NDEL1: variants seen among roughly 807,000 people sequenced by gnomAD.
The protein encoded by NDEL1 is nuclear distribution protein nudE-like 1.
In NDEL1, 9 loss-of-function variants were observed where a neutral mutation model predicts 45.7. That is an observed-to-expected ratio of 0.20 (90% CI 0.12 to 0.34). NDEL1 has a LOEUF of 0.34. Ranked by LOEUF, NDEL1 falls within the 10% of genes least tolerant of loss-of-function variation. The pLI is 1.00. For missense variants in NDEL1, 306 were observed against 406.2 expected, an observed-to-expected ratio of 0.75 and a Z score of 2.12; for synonymous variants, 133 against 158.6, an observed-to-expected ratio of 0.84 and a Z score of 1.21.
intron 1 of NDEL1, among the ~76,000 whole-genome samples, chr17:8,430,725 G>A (rs1161178044): frequency 1.3e-5 from 2 of 152,216 alleles, no homozygotes; most frequent in Non-Finnish European, 2.9e-5. Flanking sequence ...AGAGGGTAGG[G>A]CAGCCCTCAC....
At chr17:8,448,359 T>C (rs1279159431) in intron 4 of NDEL1, among the ~76,000 whole-genome samples, 191 bp from the exon 5 acceptor site, 1 of 151,926 alleles carries the variant, frequency 6.6e-6, no homozygotes, top group African/African-American at 2.4e-5. Context: ...AAGAATGTAT[T>C]GTATATATTG....
Position 8,454,780 on chromosome 17 carries a change from T to C in NDEL1, c.701-16T>C. On this transcript the variant is annotated splice_polypyrimidine_tract_variant and intron_variant, in intron 6 of 8. Transcript: ENST00000334527. Reference sequence around the variant, plus strand: ...GGAACTGCAAGTGTAATCACTCAGCTTTTATTTTTCTCTAGCTATACCAAA... The same window carrying C: ...GGAACTGCAAGTGTAATCACTCAGCCTTTATTTTTCTCTAGCTATACCAAA... 3 of 1,600,528 alleles carry C rather than the reference T, an allele frequency of 1.9e-6. No homozygotes were observed. The highest frequency in any genetic ancestry group is 2.2e-5 in the South Asian group (2 of 89,774).
At chr17:8,446,619 T>C in intron 3 of NDEL1, 135 bp from the exon 4 acceptor site, 3 of 799,282 alleles carry the variant, frequency 3.8e-6, no homozygotes, top group Middle Eastern at 3.9e-4. Context: ...TGTCATTTAG[T>C]TGTTTTTAAA....
At position 8,446,827 on chromosome 17, in the gene NDEL1, G is replaced by A. The variant is rs1444704645; in HGVS notation, c.314G>A (p.Arg105Gln). The change falls in exon 4 of 9, where the codon CGG (arginine) becomes CAG (glutamine). Residue 105 changes from arginine (R) to glutamine (Q), a missense_variant. By Grantham distance (43) the Arg-to-Gln change is conservative. Transcript: ENST00000334527. ...TTAGAAGATGATTTAAGTCAGACTC[G>A]GGCCATTAAGGAGCAGTTGCATAAG... is the stretch of plus-strand genomic sequence containing the variant. The part of the protein sequence containing the change: ...SVLEDDLSQT[R>Q]AIKEQLHKYV... 1.2e-6 allele frequency: 2 copies of A among 1,614,142 alleles called. No homozygotes were observed. Among genetic ancestry groups the A allele is most frequent in the East Asian group, 2.2e-5 (1 of 44,878 alleles).
chr17:8,423,267 A>G (rs1298433113), intron 1 of NDEL1, among the ~76,000 whole-genome samples: 2 of 152,188 alleles, frequency 1.3e-5, no homozygotes, highest in African/African-American at 2.4e-5. Context: ...CATCCCAGGT[A>G]ATTCTACCAC....
At chr17:8,420,117 A>G (rs1355463535) in intron 1 of NDEL1, among the ~76,000 whole-genome samples, 2 of 152,196 alleles carry the variant, frequency 1.3e-5, no homozygotes, top group African/African-American at 4.8e-5. Context: ...GTTCTCTTCT[A>G]CGTCTGAGGG....
chr17:8,418,578 T>C (rs1417313288), intron 1 of NDEL1, among the ~76,000 whole-genome samples: 2 of 152,244 alleles, frequency 1.3e-5, no homozygotes, highest in African/African-American at 4.8e-5. Context: ...GCAGGACGAC[T>C]GTTAAATTAT....
At chr17:8,428,537 G>C (rs1195662753) in intron 1 of NDEL1, among the ~76,000 whole-genome samples, 1 of 148,246 alleles carries the variant, frequency 6.7e-6, no homozygotes, top group Non-Finnish European at 1.5e-5. Context: ...GCTACTTTTT[G>C]TATTTTTAGT....
chr17:8,449,557 T>C (rs943275259), intron 5 of NDEL1, among the ~76,000 whole-genome samples: 2 of 152,242 alleles, frequency 1.3e-5, no homozygotes, highest in African/African-American at 4.8e-5. Context: ...CTACCCATTT[T>C]CCCTTCCCTT....
intron 1 of NDEL1, among the ~76,000 whole-genome samples, chr17:8,418,147 T>C (rs1163577690): frequency 6.6e-6 from 1 of 152,226 alleles, no homozygotes; most frequent in Non-Finnish European, 1.5e-5. Flanking sequence ...CTTTCCAGCT[T>C]CCAAAATCCT....
At chr17:8,434,662 C>T (rs543123818), upstream of NDEL1, among the ~76,000 whole-genome samples, 32 of 152,272 alleles carry the variant, frequency 2.1e-4, no homozygotes, top group South Asian at 6.0e-3. Flanking sequence ...CCCTCTTTCC[C>T]TCCTTTTTGG....
chr17:8,450,550 A>G (rs542319554), intron 5 of NDEL1, among the ~76,000 whole-genome samples: 5 of 152,332 alleles, frequency 3.3e-5, no homozygotes, highest in Admixed American at 6.5e-5. Flanking sequence ...GCATATAAGC[A>G]TAAGTAACTT....
chr17:8,428,822 T>C lies in NDEL1; in HGVS notation c.-12-15438T>C, dbSNP rs376489441. On this transcript the variant is annotated intron_variant, in intron 1 of 4. Coordinates refer to the NDEL1 transcript ENST00000582812. ...CCGAGTAGCTGGGACTACGGGCTCC[T>C]GCCACCACGCCCGGCTAATTTTTTG... Among the ~76,000 whole-genome samples, 128 of 152,114 alleles carry C rather than the reference T, an allele frequency of 8.4e-4. 3 individuals are homozygous for C. Among genetic ancestry groups the C allele is most frequent in the East Asian group, 1.7e-3 (9 of 5,166 alleles).
intron 1 of NDEL1, among the ~76,000 whole-genome samples, chr17:8,422,140 C>G (rs899826069): frequency 2.0e-5 from 3 of 152,184 alleles, no homozygotes; most frequent in African/African-American, 7.2e-5. Context: ...ACCTTGCTGT[C>G]CTTTGATCCT....
At chr17:8,413,703 A>C (rs1360618043) in intron 1 of NDEL1, among the ~76,000 whole-genome samples, 2 of 152,166 alleles carry the variant, frequency 1.3e-5, no homozygotes, top group Non-Finnish European at 1.5e-5. Context: ...TGGGACCTTG[A>C]CTTCACTGCT....
intron 8 of NDEL1, chr17:8,463,234 T>C: frequency 9.7e-7 from 1 of 1,030,070 alleles, no homozygotes; most frequent in Non-Finnish European, 1.5e-6. Flanking sequence ...TTGGGCTGTG[T>C]GTAGGTGGGC....
At chr17:8,413,426 A>T (rs1354858568) in intron 1 of NDEL1, among the ~76,000 whole-genome samples, 1 of 152,196 alleles carries the variant, frequency 6.6e-6, no homozygotes, top group East Asian at 1.9e-4. Context: ...AAAGTTGGTT[A>T]TGTCCCTGTG....
At chr17:8,424,565 G>C (rs1277456292) in intron 1 of NDEL1, among the ~76,000 whole-genome samples, 1 of 152,188 alleles carries the variant, frequency 6.6e-6, no homozygotes, top group East Asian at 1.9e-4. Flanking sequence ...GCAGTGGCGC[G>C]ATCTCAGCTC....
At chr17:8,453,270 C>A (rs1244228496) in intron 6 of NDEL1, among the ~76,000 whole-genome samples, 2 of 152,154 alleles carry the variant, frequency 1.3e-5, no homozygotes, top group East Asian at 3.9e-4. Context: ...AGATTATATT[C>A]TTGAGGAGAA....
Sources: gnomAD v4.1 joint callset for allele counts (sites outside exome capture counted in the v4.1 genomes callset) on GRCh38, gnomAD v4.1.1 for gene constraint, MANE v1.5 for transcripts, NCBI Gene and HGNC (gene_info 2026-07-23, HGNC 2026-07-21) for gene names.